KLHL1: variants seen among roughly 807,000 people sequenced by gnomAD.
The protein encoded by KLHL1 is kelch like family member 1.
A neutral mutation model predicts 77.7 loss-of-function variants in KLHL1; 47 were observed. The observed-to-expected ratio is 0.60, with a 90% CI of 0.48 to 0.77. KLHL1 has a LOEUF of 0.77. Among genes scored for constraint, KLHL1 ranks in the 30% least tolerant of loss-of-function variants. The pLI, the probability that KLHL1 is intolerant of heterozygous loss-of-function variation, is 0.00. For synonymous variants in KLHL1, 360 were observed against 325.2 expected (o/e 1.11, Z -1.15); for missense variants, 925 against 910.8 (o/e 1.02, Z -0.20).
At chr13:70,050,218 C>G (rs997759864) in intron 1 of KLHL1, among the ~76,000 whole-genome samples, 2 of 151,604 alleles carry the variant, frequency 1.3e-5, no homozygotes, top group African/African-American at 4.8e-5. Context: ...CAAAAGGAAA[C>G]CTTTTGATCA....
At chr13:69,944,672 A>T (rs1883463002) in intron 3 of KLHL1, among the ~76,000 whole-genome samples, 1 of 152,190 alleles carries the variant, frequency 6.6e-6, no homozygotes, top group Non-Finnish European at 1.5e-5. Context: ...CTACAATAAC[A>T]TTTAGAATCC....
intron 4 of KLHL1, among the ~76,000 whole-genome samples, chr13:69,933,992 G>C (rs947765141): frequency 1.3e-5 from 2 of 152,070 alleles, no homozygotes; most frequent in African/African-American, 4.8e-5. Context: ...TCTGTAGTGA[G>C]ATAGTACTGG....
At chr13:69,836,544 C>A (rs1439906909) in intron 6 of KLHL1, among the ~76,000 whole-genome samples, 1 of 151,964 alleles carries the variant, frequency 6.6e-6, no homozygotes, top group African/African-American at 2.4e-5. Context: ...TAAGGCAGTC[C>A]TCACAAACGC....
intron 4 of KLHL1, among the ~76,000 whole-genome samples, chr13:69,916,890 A>AT (rs940077465): frequency 2.6e-5 from 4 of 152,108 alleles, no homozygotes; most frequent in African/African-American, 9.6e-5. Flanking sequence ...GAATATTGGT[A>AT]TTTTTTTAGA....
intron 4 of KLHL1, among the ~76,000 whole-genome samples, chr13:69,939,358 T>C (rs1444815709): frequency 1.2e-5 from 1 of 82,348 alleles, no homozygotes; most frequent in African/African-American, 4.7e-5. Context: ...TATATATATA[T>C]ATATATATAT....
intron 6 of KLHL1, among the ~76,000 whole-genome samples, chr13:69,818,515 G>A (rs1163774053): frequency 3.9e-5 from 6 of 151,920 alleles, no homozygotes; most frequent in Non-Finnish European, 5.9e-5. Context: ...CACCACGCCC[G>A]GCCAGGCATC....
chr13:69,732,589 C>T (rs1462214197), intron 8 of KLHL1, among the ~76,000 whole-genome samples: 1 of 151,898 alleles, frequency 6.6e-6, no homozygotes, highest in African/African-American at 2.4e-5. Context: ...GATCTGACAT[C>T]AGTGGGTGGC....
chr13:69,965,667 C>T (rs1759540828), intron 2 of KLHL1, among the ~76,000 whole-genome samples: 1 of 152,154 alleles, frequency 6.6e-6, no homozygotes, highest in Non-Finnish European at 1.5e-5. Flanking sequence ...AAAAGCTAGG[C>T]CTTTTTTGCC....
At chr13:69,979,307 T>C (rs1483459752) in intron 1 of KLHL1, among the ~76,000 whole-genome samples, 1 of 152,124 alleles carries the variant, frequency 6.6e-6, no homozygotes. Context: ...ATGGTTATGT[T>C]TGTTTCACTT....
intron 1 of KLHL1, among the ~76,000 whole-genome samples, chr13:70,007,140 G>C (rs2137332670): frequency 6.6e-6 from 1 of 151,926 alleles, no homozygotes; most frequent in Admixed American, 6.6e-5. Flanking sequence ...AACAATATGA[G>C]AACTTATCAA....
chr13:69,947,024 TGTGTTGTGTG>T lies in KLHL1; in HGVS notation c.818-6798_818-6789del, dbSNP rs1255995656. ...AGCCTGCCATACAAAATTGTGTGTGTGTGTTGTGTGTGTGTGTGTGTGTGTGTGTGTGTGT... is the reference window on the plus strand; with the variant it reads ...AGCCTGCCATACAAAATTGTGTGTGTTGTGTGTGTGTGTGTGTGTGTGTGT... On this transcript the variant is annotated intron_variant, in intron 3 of 10. Transcript: ENST00000377844. Among the ~76,000 whole-genome samples, 8 of 118,332 alleles carry T rather than the reference TGTGTTGTGTG, an allele frequency of 6.8e-5. No homozygotes were observed. The East Asian group carries it at 1.0e-3, about 15-fold the overall frequency. 77.6% of individuals were successfully genotyped at this position (118,332 alleles called of 152,430 possible). A position where few individuals can be genotyped will look rare whatever the true frequency, so the allele number is the denominator to read the frequency against.
chr13:69,720,241 C>T (rs961920674), intron 8 of KLHL1, among the ~76,000 whole-genome samples: 2 of 151,892 alleles, frequency 1.3e-5, no homozygotes, highest in African/African-American at 4.8e-5. Flanking sequence ...TAGAACCCCC[C>T]CAAAATAAGT....
intron 1 of KLHL1, among the ~76,000 whole-genome samples, chr13:69,992,660 T>G: frequency 6.6e-6 from 1 of 152,026 alleles, no homozygotes; most frequent in East Asian, 1.9e-4. Flanking sequence ...CCTTTATCTT[T>G]CCTTATTTTA....
At chr13:70,050,302 ATTC>A (rs1193487590) in intron 1 of KLHL1, among the ~76,000 whole-genome samples, 2 of 151,916 alleles carry the variant, frequency 1.3e-5, no homozygotes, top group Non-Finnish European at 2.9e-5. Context: ...TACCCATAAA[ATTC>A]TTCTTCAGAA....
intron 6 of KLHL1, among the ~76,000 whole-genome samples, chr13:69,813,503 C>CACACACACAGATAT (rs34163072): frequency 6.7e-6 from 1 of 148,840 alleles, no homozygotes; most frequent in African/African-American, 2.5e-5. Context: ...CACACACACA[C>CACACACACAGATAT]ATATATATAT....
intron 4 of KLHL1, among the ~76,000 whole-genome samples, chr13:69,882,803 G>A (rs1396041796): frequency 6.6e-6 from 1 of 151,954 alleles, no homozygotes; most frequent in Non-Finnish European, 1.5e-5. Flanking sequence ...TATAAGATTT[G>A]GTGAATAGGA....
At chr13:70,016,190 A>T (rs546550794) in intron 1 of KLHL1, among the ~76,000 whole-genome samples, 5 of 152,244 alleles carry the variant, frequency 3.3e-5, no homozygotes, top group African/African-American at 4.8e-5. Flanking sequence ...AATCTCCAAT[A>T]GTTCTCCAAT....
At chr13:69,873,603 G>T (rs1315310514) in intron 5 of KLHL1, among the ~76,000 whole-genome samples, 1 of 152,072 alleles carries the variant, frequency 6.6e-6, no homozygotes, top group Admixed American at 6.6e-5. Context: ...AAAGTATAAA[G>T]ATTTCTCTCA....
At chr13:69,897,348 A>G (rs548000980) in intron 4 of KLHL1, among the ~76,000 whole-genome samples, 68 of 152,268 alleles carry the variant, frequency 4.5e-4, no homozygotes, top group Non-Finnish European at 5.9e-4. Flanking sequence ...GGACACCCCA[A>G]GCACTGAATT....
Sources: allele counts gnomAD v4.1 joint callset (sites outside exome capture counted in the v4.1 genomes callset), GRCh38; gene constraint gnomAD v4.1.1; transcripts MANE v1.5; gene names NCBI Gene and HGNC (gene_info 2026-07-23, HGNC 2026-07-21).